Variants in CD109 observed in about 807,000 individuals in gnomAD.
CD109 encodes the protein CD109 molecule, also known as CD109 antigen.
A neutral mutation model predicts 165.8 loss-of-function variants in CD109; 149 were observed. That is an observed-to-expected ratio of 0.90 (90% CI 0.79 to 1.03). The LOEUF is 1.03. Ranked by LOEUF, CD109 falls within the 50% of genes least tolerant of loss-of-function variation. CD109 has a pLI of 0.00. For synonymous variants in CD109, 585 were observed against 592.1 expected (o/e 0.99, Z 0.18); for missense variants, 1,712 against 1,677.8 (o/e 1.02, Z -0.36).
intron 23 of CD109, among the ~76,000 whole-genome samples, chr6:73,794,361 C>A (rs190360602): frequency 6.6e-6 from 1 of 152,202 alleles, no homozygotes; most frequent in Non-Finnish European, 1.5e-5. Context: ...ATGGAAAGGA[C>A]CAGGAATCGG....
the CD109 span, among the ~76,000 whole-genome samples, chr6:73,689,063 C>T: frequency 7.9e-5 from 12 of 152,128 alleles, no homozygotes; most frequent in Admixed American, 5.2e-4. Flanking sequence ...AGCCACCAAG[C>T]CCAGCTGCTT....
At chr6:73,792,317 T>G (rs62438696) in intron 22 of CD109, among the ~76,000 whole-genome samples, 4,960 of 152,296 alleles carry the variant, frequency 0.033, 120 homozygotes, top group Non-Finnish European at 0.05. Flanking sequence ...GTCTTACTGA[T>G]CAATTCTGTA....
In CD109 at chr6:73,766,795, C is replaced by G. The variant is rs200300985; in HGVS notation, c.1369C>G (p.His457Asp). 3 of 1,612,886 alleles carry G rather than the reference C, an allele frequency of 1.9e-6. No homozygotes were observed. The highest frequency in any genetic ancestry group is 2.5e-6 in the Non-Finnish European group (3 of 1,179,296). The change falls in exon 12 of 33, where the codon CAT becomes GAT. Residue 457 changes from histidine to aspartate, a missense_variant. Physicochemically the swap from His to Asp is moderately conservative, Grantham distance 81. Coordinates refer to ENST00000287097, the MANE Select transcript of CD109 (RefSeq NM_133493.5). Reference sequence around the variant, plus strand: ...TGGTAGTAAAAGTAGCATGGCAGTTCATAGTCTGTTTAAGTCTCCTAGTAA... The same window carrying G: ...TGGTAGTAAAAGTAGCATGGCAGTTGATAGTCTGTTTAAGTCTCCTAGTAA... ...FLGSKSSMAV[H>D]SLFKSPSKTY...
In CD109 at chr6:73,715,906, C is replaced by T. The variant is rs907272870; in HGVS notation, c.248-7345C>T. ...TTTTTGTGCCCATTAACCATCCTCACTTGCTCCCTAACCCTTCACTACTCT... is the reference window on the plus strand; with the variant it reads ...TTTTTGTGCCCATTAACCATCCTCATTTGCTCCCTAACCCTTCACTACTCT... On this transcript the variant is annotated intron_variant, in intron 2 of 32. Transcript: ENST00000287097. 3.3e-5 allele frequency among the ~76,000 whole-genome samples: 5 copies of T among 152,202 alleles called. No homozygotes were observed. The East Asian group carries it at 9.6e-4, about 29-fold the overall frequency.
intron 23 of CD109, among the ~76,000 whole-genome samples, chr6:73,802,289 G>GTATATATATATATATATATATA (rs1554183442): frequency 1.3e-5 from 1 of 78,202 alleles, no homozygotes; most frequent in African/African-American, 6.0e-5. Context: ...GTGTGTGTGT[G>GTATATATATATATATATATATA]TATATATATA....
At chr6:73,772,505 CAAAAAAAAA>C (rs1027095366) in intron 15 of CD109, among the ~76,000 whole-genome samples, 2 of 39,570 alleles carry the variant, frequency 5.1e-5, no homozygotes, top group African/African-American at 1.9e-4. Context: ...GACTCTGTCT[CAAAAAAAAA>C]AAAAAAAAAA....
chr6:73,775,488 C>G (rs1012457152), intron 15 of CD109, among the ~76,000 whole-genome samples: 8 of 152,066 alleles, frequency 5.3e-5, no homozygotes, highest in African/African-American at 1.9e-4. Context: ...CTTTCCCCCT[C>G]GCCCCTGTAA....
chr6:73,819,819 T>C (rs1254362920), intron 31 of CD109, among the ~76,000 whole-genome samples: 1 of 152,258 alleles, frequency 6.6e-6, no homozygotes, highest in Non-Finnish European at 1.5e-5. Context: ...GTTTGTCTTC[T>C]ATCTTTGATG....
At chr6:73,732,279 T>C (rs895981058) in intron 4 of CD109, among the ~76,000 whole-genome samples, 3 of 152,216 alleles carry the variant, frequency 2.0e-5, no homozygotes, top group Admixed American at 6.5e-5. Flanking sequence ...TTTGTTGTTA[T>C]AAATTAAAAC....
At position 73,752,047 on chromosome 6, in the gene CD109, C is replaced by T. The variant is rs1416626298; in HGVS notation, c.634-4596C>T. ...CAGATTTAACAAATTCAGTGCCTTT[C>T]TTAAAGTAAAAGGTACATCCAGACA... On this transcript the variant is annotated intron_variant, in intron 5 of 32. Coordinates refer to ENST00000287097, the MANE Select transcript of CD109 (RefSeq NM_133493.5). Among the ~76,000 whole-genome samples the T allele has an allele frequency of 2.6e-5, 4 of 152,272 alleles. No homozygotes were observed. In the East Asian group the frequency reaches 7.7e-4, roughly 29 times the overall value.
At chr6:73,761,840 G>A (rs1267917885) in intron 7 of CD109, among the ~76,000 whole-genome samples, 1 of 151,986 alleles carries the variant, frequency 6.6e-6, no homozygotes, top group Admixed American at 6.6e-5. Flanking sequence ...GTTTATTAAA[G>A]ACATTTTTGT....
intron 5 of CD109, among the ~76,000 whole-genome samples, chr6:73,748,023 C>T (rs1480698801): frequency 6.6e-6 from 1 of 152,060 alleles, no homozygotes; most frequent in Non-Finnish European, 1.5e-5. Flanking sequence ...GCGTGTGCCA[C>T]CATGCCCGGC....
At chr6:73,769,073 A>G (rs536640768) in intron 14 of CD109, among the ~76,000 whole-genome samples, 14 of 152,188 alleles carry the variant, frequency 9.2e-5, no homozygotes, top group African/African-American at 3.1e-4. Flanking sequence ...TATTTTCGGT[A>G]GAGAGAGGGT....
At chr6:73,745,635 C>T (rs1772956536) in intron 5 of CD109, among the ~76,000 whole-genome samples, 1 of 152,194 alleles carries the variant, frequency 6.6e-6, no homozygotes, top group Non-Finnish European at 1.5e-5. Flanking sequence ...CTTGGTTCAT[C>T]TATTTAATAT....
intron 22 of CD109, among the ~76,000 whole-genome samples, chr6:73,789,798 T>C (rs1222682323): frequency 6.8e-6 from 1 of 146,634 alleles, no homozygotes; most frequent in Non-Finnish European, 1.5e-5. Context: ...TCTTGCTCTG[T>C]CTCCCAGGCT....
the CD109 span, among the ~76,000 whole-genome samples, chr6:73,683,424 T>TCAGC: frequency 2.6e-5 from 4 of 152,180 alleles, no homozygotes; most frequent in African/African-American, 9.7e-5. Flanking sequence ...TGAGACCACC[T>TCAGC]CAGCCTGGAT....
At chr6:73,790,231 A>C (rs1209753447) in intron 22 of CD109, among the ~76,000 whole-genome samples, 1 of 150,920 alleles carries the variant, frequency 6.6e-6, no homozygotes, top group African/African-American at 2.4e-5. Context: ...TGAAGATGGG[A>C]CTACAGGTGT....
chr6:73,766,233 C>G (rs1322684210), intron 11 of CD109, 79 bp downstream of exon 11: 2 of 1,114,554 alleles, frequency 1.8e-6, no homozygotes, highest in Non-Finnish European at 2.7e-6. Flanking sequence ...CTCAACCTGT[C>G]AGAACTGAAA....
At chr6:73,797,833 T>C (rs191183385) in intron 23 of CD109, among the ~76,000 whole-genome samples, 13 of 152,284 alleles carry the variant, frequency 8.5e-5, no homozygotes, top group Admixed American at 7.8e-4. Flanking sequence ...GAAGGGCTCA[T>C]GGGTTTTTAT....
Sources: gnomAD v4.1 joint callset for allele counts (sites outside exome capture counted in the v4.1 genomes callset) on GRCh38, gnomAD v4.1.1 for gene constraint, MANE v1.5 for transcripts, NCBI Gene and HGNC (gene_info 2026-07-23, HGNC 2026-07-21) for gene names.